Variants in UIMC1 observed in about 807,000 individuals in gnomAD.
UIMC1 encodes the protein ubiquitin interaction motif containing 1.
UIMC1 carries 42 observed loss-of-function variants against 84.9 expected under a neutral mutation model. The ratio of observed to expected loss-of-function variants is 0.49; its 90% CI spans 0.39 to 0.64. UIMC1 has a LOEUF of 0.64. Among genes scored for constraint, UIMC1 ranks in the 30% least tolerant of loss-of-function variants. UIMC1 has a pLI of 0.00. For synonymous variants in UIMC1, 281 were observed against 293.0 expected (o/e 0.96, Z 0.42); for missense variants, 825 against 847.6 (o/e 0.97, Z 0.33).
intron 10 of UIMC1, among the ~76,000 whole-genome samples, chr5:176,930,359 A>G (rs1762932518): frequency 6.6e-6 from 1 of 152,240 alleles, no homozygotes; most frequent in African/African-American, 2.4e-5. Flanking sequence ...CTGAACATTC[A>G]TGGAAGATTC....
chr5:176,965,720 T>C (rs1172036866), intron 6 of UIMC1, among the ~76,000 whole-genome samples: 1 of 152,214 alleles, frequency 6.6e-6, no homozygotes, highest in African/African-American at 2.4e-5. Context: ...GGTCATGAAG[T>C]TAAGAGTCAA....
chr5:176,981,662 A>G (rs569440127), intron 2 of UIMC1, among the ~76,000 whole-genome samples: 11 of 152,170 alleles, frequency 7.2e-5, no homozygotes, highest in Non-Finnish European at 1.6e-4. Flanking sequence ...TTAGCCAGGC[A>G]TAATGGCTTG....
At chr5:177,011,292 C>A (rs1396465971), upstream of UIMC1, among the ~76,000 whole-genome samples, 1 of 152,082 alleles carries the variant, frequency 6.6e-6, no homozygotes, top group Admixed American at 6.6e-5. Flanking sequence ...GTAGTCCCAG[C>A]TACTCAGGAG....
intron 1 of UIMC1, among the ~76,000 whole-genome samples, chr5:176,998,115 C>CTA (rs143866180): frequency 0.01 from 1,524 of 152,168 alleles, 10 homozygotes; most frequent in Non-Finnish European, 0.016. Context: ...TCTCAATGGA[C>CTA]TATAGCCTTA....
rs572751465 is a variant in UIMC1, at chr5:176,957,333, C to G, written c.1262+760G>C. ...AACAGTCATGCAGTTCAAAACTAAGCTCTTGAGAAAGTCTCAAAACTCAAC... is the reference window on the plus strand; with the variant it reads ...AACAGTCATGCAGTTCAAAACTAAGGTCTTGAGAAAGTCTCAAAACTCAAC... On this transcript the variant is annotated intron_variant, in intron 7 of 14. Coordinates refer to ENST00000511320, the MANE Select transcript of UIMC1 (RefSeq NM_001199298.2). Among the ~76,000 whole-genome samples the G allele has an allele frequency of 1.8e-4, 28 of 152,216 alleles. 1 individual carries two copies. Among genetic ancestry groups the G allele is most frequent in the Non-Finnish European group, 1.8e-4 (12 of 68,004 alleles).
intron 8 of UIMC1, among the ~76,000 whole-genome samples, chr5:176,953,521 C>CACAT (rs1766182179): frequency 1.3e-5 from 2 of 151,934 alleles, no homozygotes; most frequent in East Asian, 3.9e-4. Flanking sequence ...CACACACACA[C>CACAT]ACACACACAC....
At chr5:176,916,907 T>C (rs1290172018) in intron 10 of UIMC1, among the ~76,000 whole-genome samples, 1 of 152,138 alleles carries the variant, frequency 6.6e-6, no homozygotes, top group African/African-American at 2.4e-5. Context: ...TTTCCAAAAT[T>C]CAAAGAGGAG....
intron 9 of UIMC1, among the ~76,000 whole-genome samples, chr5:176,948,185 C>T (rs919735460): frequency 6.6e-6 from 1 of 152,208 alleles, no homozygotes; most frequent in African/African-American, 2.4e-5. Context: ...CTAAGGGAAA[C>T]TCTCAGGCAA....
At chr5:176,941,712 T>C (rs1178769354) in intron 10 of UIMC1, among the ~76,000 whole-genome samples, 3 of 152,008 alleles carry the variant, frequency 2.0e-5, no homozygotes, top group Non-Finnish European at 4.4e-5. Context: ...CACAGAGAGC[T>C]GTGCTGACAT....
chr5:176,989,906 C>T (rs984832449), intron 1 of UIMC1, among the ~76,000 whole-genome samples: 9 of 152,036 alleles, frequency 5.9e-5, no homozygotes, highest in African/African-American at 1.7e-4. Flanking sequence ...TGGGGCCAGG[C>T]GCAGTGGCTC....
chr5:176,982,590 T>C lies in UIMC1; in HGVS notation c.26A>G (p.Lys9Arg), dbSNP rs368061031. 17 of 1,613,816 alleles carry C rather than the reference T, an allele frequency of 1.1e-5. No homozygotes were observed. The highest frequency in any genetic ancestry group is 3.3e-5 in the Admixed American group (2 of 59,882). The change falls in exon 2 of 15, where the codon AAA (lysine) becomes AGA (arginine). Residue 9 changes from lysine (K) to arginine (R), a missense_variant. By Grantham distance (26) the Lys-to-Arg change is conservative. Coordinates refer to ENST00000511320, the MANE Select transcript of UIMC1 (RefSeq NM_001199298.2). The stretch of plus-strand genomic sequence containing the variant: ...CAGGTTCCGAGATTCGGAGACTTCT[T>C]TAACTTTTTTCTTTCTCCGTGGCAT... MPRRKKKV[K>R]EVSESRNLEK...
chr5:176,978,823 C>A (rs1218529844), intron 2 of UIMC1, among the ~76,000 whole-genome samples: 1 of 152,080 alleles, frequency 6.6e-6, no homozygotes, highest in African/African-American at 2.4e-5. Flanking sequence ...AAAACCACTA[C>A]TAGTAAATAA....
chr5:176,937,959 C>A (rs886969149), intron 10 of UIMC1, among the ~76,000 whole-genome samples: 1 of 151,874 alleles, frequency 6.6e-6, no homozygotes, highest in African/African-American at 2.4e-5. Context: ...GGGAGGCCAA[C>A]GCAGGAGAAT....
At chr5:176,927,863 T>G (rs1009879566) in intron 10 of UIMC1, among the ~76,000 whole-genome samples, 1 of 151,534 alleles carries the variant, frequency 6.6e-6, no homozygotes, top group African/African-American at 2.4e-5. Context: ...TTTTTTTTTT[T>G]TTTTTGAGAC....
chr5:176,923,894 C>CACATAG (rs1209711355), intron 10 of UIMC1, among the ~76,000 whole-genome samples: 8 of 127,486 alleles, frequency 6.3e-5, no homozygotes, highest in African/African-American at 3.1e-4. Context: ...TATATACACA[C>CACATAG]ACACAGACAC....
intron 1 of UIMC1, among the ~76,000 whole-genome samples, chr5:177,016,151 G>A (rs900381129): frequency 2.6e-5 from 4 of 151,650 alleles, no homozygotes; most frequent in African/African-American, 9.7e-5. Flanking sequence ...GATCACCTGA[G>A]GACAGGAGTT....
intron 10 of UIMC1, among the ~76,000 whole-genome samples, chr5:176,936,950 T>C (rs1763781692): frequency 6.6e-6 from 1 of 152,232 alleles, no homozygotes; most frequent in Admixed American, 6.5e-5. Context: ...TGCCTCCCAC[T>C]ACTAGAAAAT....
intron 4 of UIMC1, 125 bp from the exon 5 acceptor site, chr5:176,969,831 C>T (rs1768926471): frequency 6.6e-6 from 5 of 759,700 alleles, no homozygotes; most frequent in Non-Finnish European, 1.1e-5. Flanking sequence ...ATGTAAATGG[C>T]TCAATTTAAT....
intron 10 of UIMC1, among the ~76,000 whole-genome samples, chr5:176,938,121 T>C (rs1313511846): frequency 6.8e-6 from 1 of 146,910 alleles, no homozygotes; most frequent in Admixed American, 7.2e-5. Flanking sequence ...GCCTGGGAGG[T>C]TGAGGCTGCA....
Sources: allele counts gnomAD v4.1 joint callset (sites outside exome capture counted in the v4.1 genomes callset), GRCh38; gene constraint gnomAD v4.1.1; transcripts MANE v1.5; gene names NCBI Gene and HGNC (gene_info 2026-07-23, HGNC 2026-07-21).